NALCN: variants seen among roughly 807,000 people sequenced by gnomAD.
NALCN encodes sodium leak channel NALCN.
A neutral mutation model predicts 225.3 loss-of-function variants in NALCN; 111 were observed. The observed-to-expected ratio is 0.49, with a 90% confidence interval of 0.42 to 0.58. The LOEUF is 0.58. Ranked by LOEUF, NALCN falls within the 20% of genes least tolerant of loss-of-function variation. NALCN has a pLI of 0.00. For synonymous variants in NALCN, 764 were observed against 769.0 expected (o/e 0.99, Z 0.11); for missense variants, 1,378 against 2,202.4 (o/e 0.63, Z 7.49).
chr13:101,159,971 T>TTA (rs969302694), intron 15 of NALCN, among the ~76,000 whole-genome samples: 1 of 152,156 alleles, frequency 6.6e-6, no homozygotes, highest in Admixed American at 6.6e-5. Flanking sequence ...TTATTTTATT[T>TTA]TGAGACGGAG....
chr13:101,126,274 A>C (rs2036224849), intron 17 of NALCN, among the ~76,000 whole-genome samples: 1 of 152,194 alleles, frequency 6.6e-6, no homozygotes, highest in Admixed American at 6.5e-5. Context: ...TCATGAGGAA[A>C]GGTGGTTTGT....
chr13:101,104,656 A>C lies in NALCN; in HGVS notation c.2637-6T>G. ...TGACCAATCCCAGCAAATCACTGCC[A>C]AAGACCAAACAAAATTGAGAAACAT... On this transcript the variant is annotated splice_polypyrimidine_tract_variant and splice_region_variant and intron_variant, in intron 23 of 43. Coordinates refer to ENST00000251127, the MANE Select transcript of NALCN (RefSeq NM_052867.4). The surrounding 1 kb of genome is among the most constrained non-coding windows in gnomAD (Gnocchi z 4.2). 1 of 1,613,770 alleles carries C rather than the reference A, an allele frequency of 6.2e-7. No individual in the cohort carries two copies. The highest frequency in any genetic ancestry group is 8.5e-7 in the Non-Finnish European group (1 of 1,179,806).
rs1200802189 is a variant in NALCN at position 101,056,431 on chromosome 13, T to C, written c.5024-943A>G. On this transcript the variant is annotated intron_variant, in intron 43 of 43. Coordinates refer to ENST00000251127, the MANE Select transcript of NALCN (RefSeq NM_052867.4). ...GCACACCACTACCGGTCAGCTAATTTTTGTATTTTTAGTAGAGACAGGGTT... is the reference window on the plus strand; with the variant it reads ...GCACACCACTACCGGTCAGCTAATTCTTGTATTTTTAGTAGAGACAGGGTT... Among the ~76,000 whole-genome samples the C allele has an allele frequency of 3.3e-5, 5 of 151,808 alleles. No homozygotes were observed. In the East Asian group the frequency reaches 7.8e-4, roughly 24 times the overall value.
At chr13:101,278,035 T>G (rs936842240) in intron 10 of NALCN, among the ~76,000 whole-genome samples, 1 of 152,152 alleles carries the variant, frequency 6.6e-6, no homozygotes, top group African/African-American at 2.4e-5. Flanking sequence ...TGGGTCAAAT[T>G]TAAAAACAAA....
At chr13:101,187,817 C>T (rs1251906153) in intron 14 of NALCN, among the ~76,000 whole-genome samples, 2 of 152,150 alleles carry the variant, frequency 1.3e-5, no homozygotes, top group Non-Finnish European at 2.9e-5. Flanking sequence ...GAGCAGGAGT[C>T]CACAGTGTTT....
At chr13:101,411,248 T>G (rs2047776029) in intron 1 of NALCN, among the ~76,000 whole-genome samples, 1 of 152,088 alleles carries the variant, frequency 6.6e-6, no homozygotes, top group African/African-American at 2.4e-5. Flanking sequence ...GATGAAATGC[T>G]GACTCCCAAT....
At chr13:101,242,602 T>C (rs1490178804) in intron 11 of NALCN, among the ~76,000 whole-genome samples, 1 of 106,426 alleles carries the variant, frequency 9.4e-6, no homozygotes, top group Non-Finnish European at 2.1e-5. Context: ...TCATTTCTCT[T>C]TTTTCAAAGA....
intron 7 of NALCN, among the ~76,000 whole-genome samples, chr13:101,297,532 A>C (rs1247132086): frequency 6.6e-6 from 1 of 152,218 alleles, no homozygotes; most frequent in Non-Finnish European, 1.5e-5. Context: ...CCATCTTCTG[A>C]GACAGCTCCT....
intron 15 of NALCN, among the ~76,000 whole-genome samples, chr13:101,158,273 C>T (rs1047523800): frequency 3.9e-5 from 6 of 152,214 alleles, no homozygotes; most frequent in South Asian, 2.1e-4. Context: ...TCTGGTCTTC[C>T]GCAGCCAAAG....
chr13:101,126,022 G>A (rs1333667695), intron 17 of NALCN, among the ~76,000 whole-genome samples: 1 of 152,128 alleles, frequency 6.6e-6, no homozygotes, highest in Non-Finnish European at 1.5e-5. Flanking sequence ...TTCAACAAGG[G>A]TTAGGTATGT....
At chr13:101,229,964 A>C (rs531910460) in intron 12 of NALCN, among the ~76,000 whole-genome samples, 1 of 152,314 alleles carries the variant, frequency 6.6e-6, no homozygotes, top group Admixed American at 6.5e-5. Context: ...TGCTGATATG[A>C]GGCCATAAGT....
chr13:101,068,859 A>C, intron 37 of NALCN, 32 bp from the exon 38 acceptor site: 3 of 1,574,762 alleles, frequency 1.9e-6, no homozygotes, highest in Non-Finnish European at 2.6e-6. Context: ...GAAGGAGAGG[A>C]TAAGAGTAGA....
chr13:101,252,254 T>C (rs2042083265), intron 11 of NALCN, among the ~76,000 whole-genome samples: 1 of 152,212 alleles, frequency 6.6e-6, no homozygotes, highest in Non-Finnish European at 1.5e-5. Flanking sequence ...GAAAGGATAC[T>C]AGGCCCTTCT....
chr13:101,346,229 A>AT (rs1306261610), intron 6 of NALCN, among the ~76,000 whole-genome samples: 1 of 151,854 alleles, frequency 6.6e-6, no homozygotes, highest in Non-Finnish European at 1.5e-5. Flanking sequence ...TATCTGATTC[A>AT]TCCCCACAAT....
chr13:101,175,281 A>T (rs1350010532), intron 15 of NALCN, among the ~76,000 whole-genome samples: 2 of 150,412 alleles, frequency 1.3e-5, no homozygotes, highest in Non-Finnish European at 3.0e-5. Flanking sequence ...CCTTGTTGAT[A>T]CCCTCTGTTA....
intron 7 of NALCN, among the ~76,000 whole-genome samples, chr13:101,330,939 C>T (rs1454578839): frequency 6.6e-6 from 1 of 152,182 alleles, no homozygotes; most frequent in Non-Finnish European, 1.5e-5. Flanking sequence ...TGAGGCCTCC[C>T]CAGCCATGTG....
intron 13 of NALCN, among the ~76,000 whole-genome samples, chr13:101,195,950 C>T (rs566456842): frequency 4.6e-5 from 7 of 152,146 alleles, no homozygotes; most frequent in South Asian, 2.1e-4. Context: ...TTGGGTCATC[C>T]GTGCTTCTCA....
At chr13:101,257,096 T>A (rs1269771771) in intron 11 of NALCN, among the ~76,000 whole-genome samples, 1 of 152,188 alleles carries the variant, frequency 6.6e-6, no homozygotes, top group East Asian at 1.9e-4. Flanking sequence ...CCATTCATCG[T>A]GTGCTGGATT....
At chr13:101,330,483 T>C (rs1203842689) in intron 7 of NALCN, among the ~76,000 whole-genome samples, 1 of 152,164 alleles carries the variant, frequency 6.6e-6, no homozygotes, top group Non-Finnish European at 1.5e-5. Context: ...GGAAGAACCC[T>C]GGCCTCCAGC....
Sources: allele counts gnomAD v4.1 joint callset (sites outside exome capture counted in the v4.1 genomes callset), GRCh38; gene constraint gnomAD v4.1.1; non-coding constraint Gnocchi (gnomAD v3.1); transcripts MANE v1.5; gene names NCBI Gene and HGNC (gene_info 2026-07-23, HGNC 2026-07-21).